The following ITPR1 variants were observed in gnomAD, a reference collection of about 807,000 sequenced individuals.
ITPR1 encodes inositol 1,4,5-trisphosphate-gated calcium channel ITPR1.
In ITPR1, 96 loss-of-function variants were observed where a neutral mutation model predicts 318.4. The ratio of observed to expected loss-of-function variants is 0.30; its 90% CI spans 0.26 to 0.36. The LOEUF is 0.36. ITPR1 is among the 10% of genes least tolerant of loss of function. ITPR1 has a pLI of 1.00. For missense variants in ITPR1, 2,440 were observed against 3,460.2 expected, an observed-to-expected ratio of 0.71 and a Z score of 7.40; for synonymous variants, 1,312 against 1,289.9, an observed-to-expected ratio of 1.02 and a Z score of -0.37.
At position 4,669,718 on chromosome 3, in the gene ITPR1, C is replaced by T. The variant is rs375234629; in HGVS notation, c.1951C>T (p.Leu651=). ...MNKSIPVTQE[L]ICKAVLNPTN... is the part of the protein sequence containing the mutation. The stretch of plus-strand genomic sequence containing the variant: ...CAAATCAATTCCAGTGACCCAGGAA[C>T]TGATATGTAAAGCTGTGCTGAACCC... The change falls in exon 19 of 62, where the codon CTG becomes TTG. Residue 651 remains leucine, a synonymous_variant. Coordinates refer to ENST00000649015, the MANE Select transcript of ITPR1 (RefSeq NM_001378452.1). 1.7e-4 allele frequency: 270 copies of T among 1,613,168 alleles called. No individual in the cohort carries two copies. The highest frequency in any genetic ancestry group is 2.1e-4 in the Non-Finnish European group (251 of 1,179,370).
intron 4 of ITPR1, among the ~76,000 whole-genome samples, chr3:4,625,182 A>G (rs1376959470): frequency 6.6e-6 from 1 of 152,142 alleles, no homozygotes; most frequent in African/African-American, 2.4e-5. Context: ...AGGAGATTAC[A>G]GAAACTGGAA....
intron 31 of ITPR1, 142 bp from the exon 32 acceptor site, chr3:4,691,002 C>T: frequency 2.0e-6 from 1 of 510,232 alleles, no homozygotes; most frequent in Non-Finnish European, 3.4e-6. Flanking sequence ...AGTACAGAAG[C>T]AAGAATGAGA....
intron 40 of ITPR1, among the ~76,000 whole-genome samples, chr3:4,719,609 G>T (rs1218572115): frequency 1.3e-5 from 2 of 152,202 alleles, no homozygotes; most frequent in African/African-American, 4.8e-5. Flanking sequence ...CCTGCCCAGT[G>T]GCCCACTGAG....
intron 5 of ITPR1, among the ~76,000 whole-genome samples, chr3:4,633,388 C>T (rs1383291270): frequency 6.6e-6 from 1 of 152,174 alleles, no homozygotes; most frequent in Non-Finnish European, 1.5e-5. Flanking sequence ...TTTGGACAGC[C>T]ACTTTGCCTT....
At chr3:4,704,744 T>C (rs965106291) in intron 36 of ITPR1, among the ~76,000 whole-genome samples, 2 of 151,540 alleles carry the variant, frequency 1.3e-5, no homozygotes, top group Non-Finnish European at 2.9e-5. Context: ...ACAAGGAGAG[T>C]TGATGTCTGT....
At chr3:4,810,023 C>A (rs1272449894) in intron 55 of ITPR1, among the ~76,000 whole-genome samples, 2 of 152,140 alleles carry the variant, frequency 1.3e-5, no homozygotes, top group Middle Eastern at 3.2e-3. Context: ...AGCCAATCGA[C>A]CGGAAAATGA....
At chr3:4,697,983 C>A (rs1023901400) in intron 34 of ITPR1, among the ~76,000 whole-genome samples, 1 of 152,144 alleles carries the variant, frequency 6.6e-6, no homozygotes, top group Non-Finnish European at 1.5e-5. Context: ...CTTGAGGATT[C>A]TGCAAAACTC....
chr3:4,809,658 A>C (rs2048811726), intron 55 of ITPR1, among the ~76,000 whole-genome samples: 1 of 152,192 alleles, frequency 6.6e-6, no homozygotes, highest in Non-Finnish European at 1.5e-5. Flanking sequence ...AATTAGAAGA[A>C]AGCTTTTCTT....
chr3:4,658,419 C>T (rs1051867131), intron 13 of ITPR1, 141 bp downstream of exon 13: 41 of 643,704 alleles, frequency 6.4e-5, no homozygotes, highest in Non-Finnish European at 9.1e-5. Flanking sequence ...ACTGACTGCC[C>T]GGTATGGCAA....
At chr3:4,519,673 A>C (rs925348523) in intron 3 of ITPR1, among the ~76,000 whole-genome samples, 9 of 152,208 alleles carry the variant, frequency 5.9e-5, no homozygotes, top group African/African-American at 2.2e-4. Context: ...TTTTTACATG[A>C]GAACTCAGGC....
intron 60 of ITPR1, chr3:4,831,035 A>C (rs1291508949): frequency 2.2e-6 from 1 of 456,370 alleles, no homozygotes; most frequent in South Asian, 1.5e-5. Flanking sequence ...AGAAAAAAAA[A>C]TACCCCACTT....
chr3:4,509,053 T>G (rs1339678739), intron 2 of ITPR1, among the ~76,000 whole-genome samples: 1 of 152,256 alleles, frequency 6.6e-6, no homozygotes, highest in Admixed American at 6.5e-5. Context: ...CATTTCAGAC[T>G]CATTCAGACA....
At chr3:4,644,341 C>T (rs1279256456) in intron 8 of ITPR1, 107 bp downstream of exon 8, 1 of 715,110 alleles carries the variant, frequency 1.4e-6, no homozygotes. Context: ...TGACTTGGGG[C>T]AGGGTGCCCA....
chr3:4,694,299 T>C (rs918434651), intron 33 of ITPR1, among the ~76,000 whole-genome samples: 12 of 136,276 alleles, frequency 8.8e-5, no homozygotes, highest in Non-Finnish European at 1.5e-5. Flanking sequence ...TATATATTTA[T>C]GATATATAAA....
rs1378289516 is a variant in ITPR1 at position 4,826,524 on chromosome 3, C to T, written c.8028+8282C>T. Among the ~76,000 whole-genome samples, 2 of 152,188 alleles carry T rather than the reference C, an allele frequency of 1.3e-5. No individual in the cohort carries two copies. The highest frequency in any genetic ancestry group is 2.1e-4 in the South Asian group (1 of 4,830). ...CCGGTGGCTGGAAACAGTGTGTCAG[C>T]GTCACTGGACTCGCCGCCCAGCCAG... On this transcript the variant is annotated intron_variant, in intron 60 of 61. Coordinates refer to ENST00000649015, the MANE Select transcript of ITPR1 (RefSeq NM_001378452.1). The surrounding 1 kb of genome is among the most constrained non-coding windows in gnomAD (Gnocchi z 4.2).
At chr3:4,560,367 A>G (rs1184251916) in intron 4 of ITPR1, among the ~76,000 whole-genome samples, 1 of 152,166 alleles carries the variant, frequency 6.6e-6, no homozygotes, top group Admixed American at 6.5e-5. Context: ...CAAAATTGTA[A>G]TAAAATTTTA....
At chr3:4,573,344 T>C (rs1362896873) in intron 4 of ITPR1, among the ~76,000 whole-genome samples, 1 of 152,192 alleles carries the variant, frequency 6.6e-6, no homozygotes, top group African/African-American at 2.4e-5. Flanking sequence ...ATCTGACTGC[T>C]TCCCATCTAT....
intron 4 of ITPR1, among the ~76,000 whole-genome samples, chr3:4,546,223 G>A (rs903127014): frequency 6.6e-6 from 1 of 152,108 alleles, no homozygotes; most frequent in African/African-American, 2.4e-5. Context: ...TTTTCTTTGA[G>A]AGGATAGAGT....
At position 4,673,227 on chromosome 3, in the gene ITPR1, C is replaced by A; in HGVS notation, c.2296C>A (p.Leu766Ile). The part of the protein sequence containing the change: ...ISGQLDVDLI[L>I]RCMSDENLPY... ...AGGCCAGCTGGATGTCGATCTCATT[C>A]TCCGCTGCATGTCTGACGAGAACCT... Residue 766 changes from leucine (L) to isoleucine (I), a missense_variant, in exon 21 of 62, where the codon CTC (leucine) becomes ATC (isoleucine). Leu to Ile is a conservative substitution (Grantham distance 5). Coordinates refer to ENST00000649015, the MANE Select transcript of ITPR1 (RefSeq NM_001378452.1). The A allele has an allele frequency of 2.5e-6, 4 of 1,614,026 alleles. No individual in the cohort carries two copies. The highest frequency in any genetic ancestry group is 3.4e-6 in the Non-Finnish European group (4 of 1,179,892).
Sources: gnomAD v4.1 joint callset for allele counts (sites outside exome capture counted in the v4.1 genomes callset) on GRCh38, gnomAD v4.1.1 for gene constraint, Gnocchi (gnomAD v3.1) non-coding constraint, MANE v1.5 for transcripts, NCBI Gene and HGNC (gene_info 2026-07-23, HGNC 2026-07-21) for gene names.